The following NCEH1 variants were observed in gnomAD, a reference collection of about 807,000 sequenced individuals.
The protein encoded by NCEH1 is neutral cholesterol ester hydrolase 1.
A neutral mutation model predicts 25.4 loss-of-function variants in NCEH1; 9 were observed. The ratio of observed to expected loss-of-function variants is 0.35; its 90% confidence interval spans 0.21 to 0.62. The LOEUF (loss-of-function observed/expected upper bound fraction) is 0.62, where lower values mean the gene tolerates loss of function less well. Among genes scored for constraint, NCEH1 ranks in the 20% least tolerant of loss-of-function variants. The pLI is 0.72. For synonymous variants in NCEH1, 200 were observed against 199.8 expected (o/e 1.00, Z -0.01); for missense variants, 412 against 501.1 (o/e 0.82, Z 1.70).
Position 172,677,308 on chromosome 3 carries a change from C to G in NCEH1, c.139-29194G>C, listed in dbSNP as rs145157126. ...CTGTGTCTTAAATGGCACATAAACACAAAAGATACAAGGGGAATGATGTTT... is the reference window on the plus strand; with the variant it reads ...CTGTGTCTTAAATGGCACATAAACAGAAAAGATACAAGGGGAATGATGTTT... On this transcript the variant is annotated intron_variant, in intron 1 of 4. Transcript: ENST00000475381. Among the ~76,000 whole-genome samples the G allele has an allele frequency of 3.1e-3, 475 of 152,260 alleles. 4 individuals carry two copies. The highest frequency in any genetic ancestry group is 0.011 in the African/African-American group (452 of 41,562).
At chr3:172,676,170 T>C (rs1451099136) in intron 1 of NCEH1, among the ~76,000 whole-genome samples, 1 of 152,106 alleles carries the variant, frequency 6.6e-6, no homozygotes, top group African/African-American at 2.4e-5. Flanking sequence ...CTTAAAAAAG[T>C]TTTTTTAGGC....
intron 1 of NCEH1, among the ~76,000 whole-genome samples, chr3:172,649,202 T>C (rs887697146): frequency 6.6e-6 from 1 of 152,136 alleles, no homozygotes; most frequent in Non-Finnish European, 1.5e-5. Context: ...ATATAAACAT[T>C]ATAACTGTGT....
intron 3 of NCEH1, among the ~76,000 whole-genome samples, chr3:172,638,811 T>TA (rs906568496): frequency 1.3e-5 from 2 of 152,084 alleles, no homozygotes; most frequent in South Asian, 2.1e-4. Context: ...ATTGGTAACC[T>TA]AAAAAAAACA....
rs138315729 is a variant in NCEH1 at position 172,668,272 on chromosome 3, T to C, written c.139-20158A>G. Among the ~76,000 whole-genome samples, 164 of 145,600 alleles carry C rather than the reference T, an allele frequency of 1.1e-3. 3 individuals are homozygous for C. The highest frequency in any genetic ancestry group is 4.2e-3 in the African/African-American group (163 of 39,138). ...AAAATATCAGAAACACCATTCCCAA[T>C]AGGGAGGGAAGCAGTTTCAGTAAAT... On this transcript the variant is annotated intron_variant, in intron 1 of 4. Coordinates refer to ENST00000475381, the MANE Select transcript of NCEH1 (RefSeq NM_020792.6).
chr3:172,650,683 A>C (rs948913979), intron 1 of NCEH1, among the ~76,000 whole-genome samples: 2 of 151,004 alleles, frequency 1.3e-5, no homozygotes, highest in Admixed American at 6.6e-5. Context: ...ATGGTGGCAC[A>C]TGCCTGTAAT....
intron 1 of NCEH1, among the ~76,000 whole-genome samples, chr3:172,662,325 A>T (rs1220432531): frequency 6.6e-6 from 1 of 152,178 alleles, no homozygotes; most frequent in Non-Finnish European, 1.5e-5. Context: ...AGCCAACTTG[A>T]TCGTGGTGGA....
intron 1 of NCEH1, among the ~76,000 whole-genome samples, chr3:172,669,807 G>T (rs1366297277): frequency 6.6e-6 from 1 of 152,186 alleles, no homozygotes; most frequent in Non-Finnish European, 1.5e-5. Context: ...AAAGGGCTGG[G>T]ATTACAGGTG....
chr3:172,693,688 C>A (rs375649888), intron 1 of NCEH1, among the ~76,000 whole-genome samples: 90 of 152,234 alleles, frequency 5.9e-4, no homozygotes, highest in African/African-American at 2.1e-3. Flanking sequence ...TACTATTTTT[C>A]TTTTCATCCA....
intron 1 of NCEH1, among the ~76,000 whole-genome samples, chr3:172,652,095 C>T (rs1240769133): frequency 6.6e-6 from 1 of 152,092 alleles, no homozygotes; most frequent in Non-Finnish European, 1.5e-5. Context: ...TGCCTCATAC[C>T]CAGACAGAAC....
intron 3 of NCEH1, among the ~76,000 whole-genome samples, chr3:172,644,434 T>A (rs376553736): frequency 1.3e-4 from 20 of 152,292 alleles, no homozygotes; most frequent in African/African-American, 4.3e-4. Flanking sequence ...GAGAACTGAA[T>A]GAGCCTGGGG....
intron 1 of NCEH1, among the ~76,000 whole-genome samples, chr3:172,663,419 G>A (rs149578267): frequency 2.0e-5 from 3 of 152,320 alleles, no homozygotes; most frequent in South Asian, 4.1e-4. Context: ...ATGTGGTGCT[G>A]AGAAGAATGT....
intron 3 of NCEH1, among the ~76,000 whole-genome samples, chr3:172,638,521 G>A (rs1332513427): frequency 2.7e-5 from 3 of 112,112 alleles, no homozygotes; most frequent in African/African-American, 1.1e-4. Flanking sequence ...TTTCATATGA[G>A]TCTATTTACC....
chr3:172,650,799 G>A (rs544496042), intron 1 of NCEH1, among the ~76,000 whole-genome samples: 15 of 124,502 alleles, frequency 1.2e-4, no homozygotes, highest in Admixed American at 4.6e-4. Context: ...ATGACAGAGC[G>A]AGACTCTGCC....
At chr3:172,665,692 G>A (rs1718177028) in intron 1 of NCEH1, among the ~76,000 whole-genome samples, 1 of 152,158 alleles carries the variant, frequency 6.6e-6, no homozygotes, top group Non-Finnish European at 1.5e-5. Flanking sequence ...CAGCAATGGT[G>A]GACACCCCTC....
chr3:172,637,229 C>A (rs1402624974), intron 3 of NCEH1, among the ~76,000 whole-genome samples: 3 of 152,144 alleles, frequency 2.0e-5, no homozygotes, highest in African/African-American at 7.2e-5. Flanking sequence ...AACATACCTT[C>A]ATTTTGCAAA....
At chr3:172,701,616 GT>G (rs60219751) in intron 1 of NCEH1, among the ~76,000 whole-genome samples, 3,657 of 110,694 alleles carry the variant, frequency 0.033, 48 homozygotes, top group Middle Eastern at 0.037. Context: ...TGCCCAGCTA[GT>G]TTTTTTTTTT....
chr3:172,663,548 G>C (rs538199106), intron 1 of NCEH1, among the ~76,000 whole-genome samples: 1 of 152,146 alleles, frequency 6.6e-6, no homozygotes, highest in Non-Finnish European at 1.5e-5. Context: ...TCTGTCTAAT[G>C]TTGACAGTAG....
chr3:172,656,636 C>T (rs989660914), intron 1 of NCEH1, among the ~76,000 whole-genome samples: 8 of 152,038 alleles, frequency 5.3e-5, no homozygotes, highest in Admixed American at 3.3e-4. Flanking sequence ...CGTGGTGATG[C>T]GCGCCTGTAA....
intron 1 of NCEH1, among the ~76,000 whole-genome samples, chr3:172,692,790 A>G (rs1713143780): frequency 6.6e-6 from 1 of 152,204 alleles, no homozygotes; most frequent in Admixed American, 6.5e-5. Flanking sequence ...AAGCAGTGTA[A>G]TAGATCTAAC....
Sources: allele counts gnomAD v4.1 joint callset (sites outside exome capture counted in the v4.1 genomes callset), GRCh38; gene constraint gnomAD v4.1.1; transcripts MANE v1.5; gene names NCBI Gene and HGNC (gene_info 2026-07-23, HGNC 2026-07-21).